RNGTT: variants seen among roughly 807,000 people sequenced by gnomAD.
RNGTT encodes the protein mRNA-capping enzyme.
Under a neutral mutation model 79.3 loss-of-function variants are expected in RNGTT, and 33 were observed. That is an observed-to-expected ratio of 0.42 (90% CI 0.32 to 0.56). The LOEUF (loss-of-function observed/expected upper bound fraction) is 0.56. RNGTT is among the 20% of genes least tolerant of loss of function. The pLI, the probability that RNGTT is intolerant of heterozygous loss-of-function variation, is 0.17. For synonymous variants in RNGTT, 222 were observed against 235.9 expected, an observed-to-expected ratio of 0.94 and a Z score of 0.54; for missense variants, 497 against 739.1, an observed-to-expected ratio of 0.67 and a Z score of 3.80.
At chr6:88,946,643 C>G (rs992281943) in intron 1 of RNGTT, among the ~76,000 whole-genome samples, 2 of 151,524 alleles carry the variant, frequency 1.3e-5, no homozygotes, top group Non-Finnish European at 2.9e-5. Flanking sequence ...TCTCCCTCTC[C>G]CTCTCCCTCT....
chr6:88,786,402 T>C (rs1048853853), intron 12 of RNGTT, among the ~76,000 whole-genome samples: 4 of 152,198 alleles, frequency 2.6e-5, no homozygotes, highest in East Asian at 3.8e-4. Flanking sequence ...ATGTAAAAGA[T>C]TGAATACCTG....
intron 6 of RNGTT, among the ~76,000 whole-genome samples, chr6:88,903,617 A>C (rs2127941943): frequency 6.6e-6 from 1 of 152,364 alleles, no homozygotes; most frequent in African/African-American, 2.4e-5. Context: ...AATGCAATTA[A>C]AACATTGTTT....
At chr6:88,766,819 G>C (rs1778477199) in intron 13 of RNGTT, among the ~76,000 whole-genome samples, 1 of 151,992 alleles carries the variant, frequency 6.6e-6, no homozygotes, top group African/African-American at 2.4e-5. Context: ...TTTAGGCTTT[G>C]TAGAAATATT....
intron 14 of RNGTT, among the ~76,000 whole-genome samples, chr6:88,664,858 T>C (rs1365324334): frequency 1.3e-5 from 2 of 152,146 alleles, no homozygotes; most frequent in Non-Finnish European, 1.5e-5. Context: ...TTCTGGTCAA[T>C]ACTGGTGCTG....
At chr6:88,768,274 T>C (rs1778533586) in intron 13 of RNGTT, among the ~76,000 whole-genome samples, 1 of 151,956 alleles carries the variant, frequency 6.6e-6, no homozygotes, top group Non-Finnish European at 1.5e-5. Flanking sequence ...CATACCCGGC[T>C]AATTTTTGTT....
chr6:88,945,823 CCT>C (rs1205005685), intron 1 of RNGTT, among the ~76,000 whole-genome samples: 3 of 152,146 alleles, frequency 2.0e-5, no homozygotes, highest in African/African-American at 4.8e-5. Flanking sequence ...CATAAAACCC[CCT>C]GAGAGATCAC....
chr6:88,623,746 A>G (rs1435786247), intron 14 of RNGTT, among the ~76,000 whole-genome samples: 1 of 152,058 alleles, frequency 6.6e-6, no homozygotes, highest in African/African-American at 2.4e-5. Context: ...AAGAAAAACA[A>G]ATAAAAGACC....
At chr6:88,945,609 CGG>C (rs1784983111) in intron 1 of RNGTT, among the ~76,000 whole-genome samples, 1 of 152,174 alleles carries the variant, frequency 6.6e-6, no homozygotes, top group South Asian at 2.1e-4. Context: ...ACTCTCTCTA[CGG>C]TCTCTGCCTG....
chr6:88,803,047 G>A (rs147961402), intron 11 of RNGTT, among the ~76,000 whole-genome samples: 415 of 152,236 alleles, frequency 2.7e-3, no homozygotes, highest in Non-Finnish European at 4.6e-3. Context: ...CTTCAAGTAC[G>A]TATTTCACTT....
intron 11 of RNGTT, among the ~76,000 whole-genome samples, chr6:88,810,043 G>A (rs865794800): frequency 3.3e-5 from 5 of 151,670 alleles, no homozygotes; most frequent in Non-Finnish European, 4.4e-5. Context: ...ATTAGATATC[G>A]CCTAACAAAA....
intron 13 of RNGTT, among the ~76,000 whole-genome samples, chr6:88,763,334 A>G (rs1778334403): frequency 6.6e-6 from 1 of 152,110 alleles, no homozygotes; most frequent in Non-Finnish European, 1.5e-5. Flanking sequence ...AATAATGCTG[A>G]TAAGAAGATT....
chr6:88,778,888 A>G (rs1308737908), intron 12 of RNGTT, among the ~76,000 whole-genome samples: 1 of 152,202 alleles, frequency 6.6e-6, no homozygotes, highest in East Asian at 1.9e-4. Flanking sequence ...AAAATCAAAT[A>G]TATAATTTTT....
intron 8 of RNGTT, among the ~76,000 whole-genome samples, chr6:88,855,689 T>C (rs1412089354): frequency 6.6e-6 from 1 of 152,090 alleles, no homozygotes; most frequent in African/African-American, 2.4e-5. Context: ...CAGGTTTCAC[T>C]AGGAAAAATA....
intron 2 of RNGTT, among the ~76,000 whole-genome samples, chr6:88,929,983 CAT>C (rs1784446821): frequency 7.1e-6 from 1 of 141,746 alleles, no homozygotes; most frequent in African/African-American, 2.6e-5. Context: ...TGCATATGTG[CAT>C]ATACATGTAT....
At chr6:88,674,179 G>C (rs972463874) in intron 14 of RNGTT, among the ~76,000 whole-genome samples, 1 of 152,184 alleles carries the variant, frequency 6.6e-6, no homozygotes, top group African/African-American at 2.4e-5. Context: ...TTTAGATTTA[G>C]GTTAAATTAA....
Position 88,891,913 on chromosome 6 carries a change from G to A in RNGTT, c.687C>T (p.Gly229=), listed in dbSNP as rs749269263. 32 of 1,528,842 alleles carry A rather than the reference G, an allele frequency of 2.1e-5. No individual in the cohort carries two copies. Among genetic ancestry groups the A allele is most frequent in the East Asian group, 1.4e-4 (6 of 42,596 alleles). The allele number at this position is 1,528,842 out of a possible 1,614,324, so 94.7% of individuals were successfully genotyped here. The change falls in exon 7 of 16, where the codon GGC becomes GGT. Residue 229 remains glycine, a splice_region_variant and synonymous_variant. Transcript: ENST00000369485. The part of the protein sequence containing the change: ...GKRRKERLKL[G]AIFLEGVTVK... ...CAGTAACACCTTCCAAGAAAATAGC[G>A]CCCTTTAAAAAAAAAATAAGAAAAA... is the stretch of plus-strand genomic sequence containing the variant.
chr6:88,625,206 A>G (rs565177626), intron 14 of RNGTT, among the ~76,000 whole-genome samples: 1 of 152,064 alleles, frequency 6.6e-6, no homozygotes, highest in Admixed American at 6.6e-5. Context: ...TTACCATAAG[A>G]GCCGGCAATT....
Position 88,904,844 on chromosome 6 carries a change from G to T in RNGTT, c.555C>A (p.Pro185=), listed in dbSNP as rs1332419164. 6.2e-7 allele frequency: 1 copy of T among 1,613,956 alleles called. No homozygotes were observed. The highest frequency in any genetic ancestry group is 8.5e-7 in the Non-Finnish European group (1 of 1,180,012). The change falls in exon 6 of 16, where the codon CCC becomes CCA. Residue 185 remains proline (P), a synonymous_variant. Transcript: ENST00000369485. ...AACACCAATCTGGCAATAGAGGTGGGGGTGGTGCTTCCTCTATGTCACCAT... is the reference window on the plus strand; with the variant it reads ...AACACCAATCTGGCAATAGAGGTGGTGGTGGTGCTTCCTCTATGTCACCAT... ...RRYGDIEEAP[P]PPLLPDWCFE...
At chr6:88,943,046 C>A (rs1263482020) in intron 1 of RNGTT, among the ~76,000 whole-genome samples, 2 of 152,138 alleles carry the variant, frequency 1.3e-5, no homozygotes, top group East Asian at 3.9e-4. Context: ...AATCCTTGGA[C>A]CTCTTTTATA....
Sources: allele counts gnomAD v4.1 joint callset (sites outside exome capture counted in the v4.1 genomes callset), GRCh38; gene constraint gnomAD v4.1.1; transcripts MANE v1.5; gene names NCBI Gene and HGNC (gene_info 2026-07-23, HGNC 2026-07-21).